Variants in PRKN observed in about 807,000 individuals in gnomAD.
PRKN encodes the protein parkin RBR E3 ubiquitin protein ligase.
Under a neutral mutation model 59.5 loss-of-function variants are expected in PRKN, and 56 were observed. The ratio of observed to expected loss-of-function variants is 0.94; its 90% CI spans 0.76 to 1.18. The LOEUF (loss-of-function observed/expected upper bound fraction) is 1.18, where lower values mean the gene tolerates loss of function less well. PRKN is among the 50% of genes most tolerant of loss of function. The pLI is 0.00. For missense variants in PRKN, 657 were observed against 596.4 expected (o/e 1.10, Z -1.06); for synonymous variants, 250 against 222.1 (o/e 1.13, Z -1.12).
intron 1 of PRKN, among the ~76,000 whole-genome samples, chr6:162,650,595 C>T (rs1451002905): frequency 1.1e-5 from 1 of 91,264 alleles, no homozygotes; most frequent in Non-Finnish European, 2.4e-5. Context: ...GAGACTCCGT[C>T]TCAAAAAAAA....
At chr6:161,864,493 G>A (rs1167479119) in intron 6 of PRKN, among the ~76,000 whole-genome samples, 2 of 152,154 alleles carry the variant, frequency 1.3e-5, no homozygotes, top group Non-Finnish European at 2.9e-5. Flanking sequence ...CTGAAGTCTT[G>A]AAGCTCTGAA....
intron 4 of PRKN, among the ~76,000 whole-genome samples, chr6:162,092,823 A>C (rs1460360997): frequency 1.3e-5 from 2 of 152,234 alleles, no homozygotes; most frequent in Non-Finnish European, 2.9e-5. Context: ...ATGCTGACGA[A>C]GTAGAAAATT....
At chr6:162,544,349 T>C (rs992918938) in intron 1 of PRKN, among the ~76,000 whole-genome samples, 9 of 152,066 alleles carry the variant, frequency 5.9e-5, no homozygotes, top group Admixed American at 4.6e-4. Flanking sequence ...AACAGAGGAA[T>C]GCTCATAGCA....
chr6:162,341,574 G>C (rs141127442), intron 2 of PRKN, among the ~76,000 whole-genome samples: 1 of 152,138 alleles, frequency 6.6e-6, no homozygotes, highest in Non-Finnish European at 1.5e-5. Context: ...ATACTATGCA[G>C]CTATAAAAAA....
rs111537118 is a variant in PRKN, at chr6:162,413,919, C to T, written c.171+29391G>A. ...GATACAGGCTGGGCGCGGTGGCTCA[C>T]GCCTGTAGTCCCAGCACTTTGGGAG... is the stretch of plus-strand genomic sequence containing the variant. On this transcript the variant is annotated intron_variant, in intron 2 of 11. Coordinates refer to ENST00000366898, the MANE Select transcript of PRKN (RefSeq NM_004562.3). Among the ~76,000 whole-genome samples the T allele has an allele frequency of 2.8e-3, 427 of 152,244 alleles. 3 individuals are homozygous for T. Among genetic ancestry groups the T allele is most frequent in the Admixed American group, 0.011 (164 of 15,302 alleles).
At chr6:161,901,316 C>G (rs149493379) in intron 6 of PRKN, among the ~76,000 whole-genome samples, 13 of 152,120 alleles carry the variant, frequency 8.5e-5, no homozygotes, top group Non-Finnish European at 1.3e-4. Context: ...GTACTGAGTG[C>G]GAGGAAAAGC....
rs138079001 is a variant in PRKN at position 162,153,438 on chromosome 6, T to G, written c.534+47693A>C. On this transcript the variant is annotated intron_variant, in intron 4 of 11. Transcript: ENST00000366898. ...TCAGAGGGCATGTTACAATGCTCTCTTAGGTCTGCTGTCAGCAGACAACAG... is the reference window on the plus strand; with the variant it reads ...TCAGAGGGCATGTTACAATGCTCTCGTAGGTCTGCTGTCAGCAGACAACAG... 3.3e-3 allele frequency among the ~76,000 whole-genome samples: 506 copies of G among 152,320 alleles called. 3 individuals are homozygous for G. Among genetic ancestry groups the G allele is most frequent in the Middle Eastern group, 0.014 (4 of 294 alleles).
intron 9 of PRKN, among the ~76,000 whole-genome samples, chr6:161,491,270 T>C (rs796978684): frequency 2.6e-5 from 4 of 152,280 alleles, no homozygotes; most frequent in African/African-American, 9.6e-5. Flanking sequence ...GGGTGATGCC[T>C]GAAGGAAGAA....
intron 7 of PRKN, among the ~76,000 whole-genome samples, chr6:161,616,116 C>A (rs1449588919): frequency 6.6e-6 from 1 of 152,166 alleles, no homozygotes; most frequent in Non-Finnish European, 1.5e-5. Flanking sequence ...TCTCGTGTGG[C>A]CTGTCAACTT....
At chr6:161,841,901 A>G (rs1287681011) in intron 6 of PRKN, among the ~76,000 whole-genome samples, 1 of 152,132 alleles carries the variant, frequency 6.6e-6, no homozygotes. Context: ...CTCTTGGACT[A>G]CAAATCCCCA....
intron 1 of PRKN, among the ~76,000 whole-genome samples, chr6:162,490,574 C>CT (rs1367114656): frequency 6.6e-6 from 1 of 152,102 alleles, no homozygotes; most frequent in Non-Finnish European, 1.5e-5. Context: ...AGTATTCTAC[C>CT]TTTTTTCTTT....
intron 7 of PRKN, among the ~76,000 whole-genome samples, chr6:161,761,352 G>GGATAGACGGTGGATGGATA (rs1349258084): frequency 6.6e-6 from 1 of 152,124 alleles, no homozygotes; most frequent in African/African-American, 2.4e-5. Flanking sequence ...ATGAATGGAT[G>GGATAGACGGTGGATGGATA]GATAGACAAA....
At chr6:162,485,029 T>C (rs1403426304) in intron 1 of PRKN, among the ~76,000 whole-genome samples, 1 of 152,198 alleles carries the variant, frequency 6.6e-6, no homozygotes, top group Non-Finnish European at 1.5e-5. Flanking sequence ...TCATCAGTAA[T>C]TATTAATGTG....
intron 2 of PRKN, among the ~76,000 whole-genome samples, chr6:162,421,069 G>A (rs560375783): frequency 2.2e-4 from 33 of 152,190 alleles, no homozygotes; most frequent in South Asian, 1.9e-3. Context: ...GCTCACCACC[G>A]CTTTCTTATG....
chr6:162,701,847 ACACT>A (rs1200450376), intron 1 of PRKN, among the ~76,000 whole-genome samples: 2 of 134,902 alleles, frequency 1.5e-5, no homozygotes, highest in African/African-American at 2.9e-5. Context: ...ACACACACAC[ACACT>A]CACATACATA....
intron 8 of PRKN, among the ~76,000 whole-genome samples, chr6:161,563,482 G>A (rs904999141): frequency 6.6e-6 from 1 of 152,250 alleles, no homozygotes; most frequent in East Asian, 1.9e-4. Context: ...ACTGCAGAGT[G>A]ACTTTAGTTT....
At chr6:162,343,561 T>C (rs1330657693) in intron 2 of PRKN, among the ~76,000 whole-genome samples, 1 of 152,152 alleles carries the variant, frequency 6.6e-6, no homozygotes, top group African/African-American at 2.4e-5. Flanking sequence ...GTGAAGTATA[T>C]TGGATATCTG....
At chr6:162,316,326 T>C (rs568391409) in intron 2 of PRKN, among the ~76,000 whole-genome samples, 72 of 152,160 alleles carry the variant, frequency 4.7e-4, no homozygotes, top group Non-Finnish European at 8.5e-4. Context: ...ACAGGGTTGA[T>C]TGAGCCACAA....
intron 1 of PRKN, among the ~76,000 whole-genome samples, chr6:162,676,379 A>G (rs184348033): frequency 6.2e-4 from 95 of 152,336 alleles, no homozygotes; most frequent in Non-Finnish European, 1.2e-3. Context: ...GAGGTGAAAA[A>G]AATAAAACTT....
Sources: gnomAD v4.1 joint callset for allele counts (sites outside exome capture counted in the v4.1 genomes callset) on GRCh38, gnomAD v4.1.1 for gene constraint, MANE v1.5 for transcripts, NCBI Gene and HGNC (gene_info 2026-07-23, HGNC 2026-07-21) for gene names.